TNFRSF14: variants seen among roughly 807,000 people sequenced by gnomAD.
TNFRSF14 encodes tumor necrosis factor receptor superfamily member 14.
In TNFRSF14, 18 loss-of-function variants were observed where a neutral mutation model predicts 34.1. That is an observed-to-expected ratio of 0.53 (90% CI 0.36 to 0.78). The LOEUF (loss-of-function observed/expected upper bound fraction) is 0.78. Ranked by LOEUF, TNFRSF14 falls within the 30% of genes least tolerant of loss-of-function variation. TNFRSF14 has a pLI of 0.00. For missense variants in TNFRSF14, 352 were observed against 379.5 expected, an observed-to-expected ratio of 0.93 and a Z score of 0.60; for synonymous variants, 157 against 153.2, an observed-to-expected ratio of 1.02 and a Z score of -0.18.
At position 2,558,412 on chromosome 1, in the gene TNFRSF14, A is replaced by G; in HGVS notation, c.248A>G (p.Tyr83Cys). The change falls in exon 3 of 8, where the codon TAC becomes TGC. Residue 83 changes from tyrosine to cysteine, a missense_variant. Tyr to Cys is a radical substitution (Grantham distance 194, BLOSUM62 -2). Coordinates refer to ENST00000355716, the MANE Select transcript of TNFRSF14 (RefSeq NM_003820.4). Reference sequence around the variant, plus strand: ...TGTGAACCCTGCCCTCCAGGCACCTACATTGCCCACCTCAATGGCCTAAGC... The same window carrying G: ...TGTGAACCCTGCCCTCCAGGCACCTGCATTGCCCACCTCAATGGCCTAAGC... ...TVCEPCPPGTYIAHLNGLSKC... is the reference protein window; with the variant it reads ...TVCEPCPPGTCIAHLNGLSKC... 2.5e-6 allele frequency: 4 copies of G among 1,613,428 alleles called. No individual in the cohort carries two copies. The highest frequency in any genetic ancestry group is 3.4e-6 in the Non-Finnish European group (4 of 1,179,832).
At position 2,559,976 on chromosome 1, in the gene TNFRSF14, G is replaced by A; in HGVS notation, c.458G>A (p.Gly153Glu). Residue 153 changes from glycine to glutamate, a missense_variant and splice_region_variant, in exon 4 of 8, where the codon GGA (glycine) becomes GAA (glutamate). Transcript: ENST00000355716. ...AGCCCGGGCCAGAGGGTGCAGAAGGGAGGTAAGCGGTGGGTGGCGGACACC... is the reference window on the plus strand; with the variant it reads ...AGCCCGGGCCAGAGGGTGCAGAAGGAAGGTAAGCGGTGGGTGGCGGACACC... ...TSSPGQRVQK[G>E]GTESQDTLCQ... is the part of the protein sequence containing the mutation. The A allele has an allele frequency of 6.4e-7, 1 of 1,555,092 alleles. No individual in the cohort carries two copies. Among genetic ancestry groups the A allele is most frequent in the Non-Finnish European group, 8.7e-7 (1 of 1,146,128 alleles).
intron 3 of TNFRSF14, chr1:2,558,887 G>T (rs1001686386): frequency 7.5e-7 from 1 of 1,340,484 alleles, no homozygotes; most frequent in Non-Finnish European, 9.8e-7. Flanking sequence ...CCAGATATTG[G>T]TTCCCCCTGT....
At chr1:2,558,610 C>T in intron 3 of TNFRSF14, 142 bp downstream of exon 3, 2 of 1,476,532 alleles carry the variant, frequency 1.4e-6, no homozygotes, top group East Asian at 2.3e-5. Context: ...TCCATGGATG[C>T]ACCCTGCAGG....
At chr1:2,556,207 A>C, upstream of TNFRSF14, 1 of 433,036 alleles carries the variant, frequency 2.3e-6, no homozygotes, top group Non-Finnish European at 4.4e-6. Flanking sequence ...TATTCGGCAA[A>C]AATGTCAGTC....
In TNFRSF14 at chr1:2,556,757, G is replaced by A. The variant is rs779874452; in HGVS notation, c.69+24G>A. 1.2e-5 allele frequency: 19 copies of A among 1,571,414 alleles called. No individual in the cohort carries two copies. The Admixed American group carries it at 1.5e-4, about 12-fold the overall frequency. On this transcript the variant is annotated intron_variant, in intron 1 of 7. Coordinates refer to ENST00000355716, the MANE Select transcript of TNFRSF14 (RefSeq NM_003820.4). ...TGGTGAGCCCCCGAGCCTCCTCTCC[G>A]TCTGCTCGCAGATCCCAGTTCTGAC...
chr1:2,557,745 T>G lies in TNFRSF14; in HGVS notation c.89T>G (p.Leu30Arg), dbSNP rs1476963529. Residue 30 changes from leucine to arginine, a missense_variant, in exon 2 of 8, where the codon CTG (leucine) becomes CGG (arginine). Leu to Arg is a moderately radical substitution (Grantham distance 102). Transcript: ENST00000355716. ...VLRLVLYLTFLGAPCYAPALP... is the reference protein window; with the variant it reads ...VLRLVLYLTFRGAPCYAPALP... ...CCTTAGGTGCTGTATCTCACCTTCC[T>G]GGGAGCCCCCTGCTACGCCCCAGCT... 1 of 1,609,766 alleles carries G rather than the reference T, an allele frequency of 6.2e-7. No homozygotes were observed. Among genetic ancestry groups the G allele is most frequent in the Non-Finnish European group, 8.5e-7 (1 of 1,178,084 alleles).
chr1:2,561,872 T>G lies in TNFRSF14; in HGVS notation c.694+57T>G. ...GTCCCCAGCCGTCACCTCTTGGAGC[T>G]CTGTCACCCCAAGCCTGGGAGGTGG... On this transcript the variant is annotated intron_variant, in intron 6 of 7. Transcript: ENST00000355716. This position sits in a 1 kb window ranked among gnomAD's most constrained non-coding sequence, Gnocchi z 6.0. 1.3e-6 allele frequency: 2 copies of G among 1,560,348 alleles called. No homozygotes were observed. Among genetic ancestry groups the G allele is most frequent in the Non-Finnish European group, 1.7e-6 (2 of 1,144,438 alleles).
chr1:2,559,632 C>A, intron 3 of TNFRSF14, 191 bp from the exon 4 acceptor site: 1 of 1,534,812 alleles, frequency 6.5e-7, no homozygotes, highest in Non-Finnish European at 8.7e-7. Context: ...GCAGCTCTGC[C>A]GTCCCTTGGT....
chr1:2,558,766 C>T (rs1570585536), intron 3 of TNFRSF14: 2 of 1,280,198 alleles, frequency 1.6e-6, no homozygotes, highest in East Asian at 5.8e-5. Flanking sequence ...GTGCCCAGAC[C>T]TCTCCTGTGC....
intron 3 of TNFRSF14, chr1:2,559,444 T>C (rs1287317075): frequency 1.4e-6 from 2 of 1,403,614 alleles, no homozygotes; most frequent in East Asian, 6.5e-5. Flanking sequence ...TTTGCACAGA[T>C]GGGAAACCCG....
At chr1:2,562,266 C>T (rs10910091) in intron 6 of TNFRSF14, 5,445 of 220,954 alleles carry the variant, frequency 0.025, 96 homozygotes, top group Non-Finnish European at 0.036. Flanking sequence ...TGTGCTGTGC[C>T]TGGCCTCCTG....
chr1:2,558,551 A>G, intron 3 of TNFRSF14, 83 bp downstream of exon 3: 1 of 1,585,156 alleles, frequency 6.3e-7, no homozygotes, highest in Non-Finnish European at 8.5e-7. Context: ...CCATGGCCAC[A>G]GTGCCCCAGG....
Position 2,561,794 on chromosome 1 carries a change from G to C in TNFRSF14, c.673G>C (p.Val225Leu). The C allele has an allele frequency of 6.2e-7, 1 of 1,613,808 alleles. No homozygotes were observed. Among genetic ancestry groups the C allele is most frequent in the Non-Finnish European group, 8.5e-7 (1 of 1,179,964 alleles). The change falls in exon 6 of 8, where the codon GTG becomes CTG. Residue 225 changes from valine to leucine, a missense_variant. Transcript: ENST00000355716. The surrounding 1 kb of genome is among the most constrained non-coding windows in gnomAD (Gnocchi z 6.0). Reference protein sequence around the residue: ...VCSTVGLIICVKRRKPRGDVV... With the variant: ...VCSTVGLIICLKRRKPRGDVV... ...CTCCACAGTTGGCCTAATCATATGT[G>C]TGAAAAGAAGAAAGCCAAGGGGTGA...
chr1:2,557,547 G>C (rs1400407008), intron 1 of TNFRSF14, among the ~76,000 whole-genome samples, 179 bp from the exon 2 acceptor site: 1 of 152,122 alleles, frequency 6.6e-6, no homozygotes, highest in African/African-American at 2.4e-5. Context: ...CCCTATCCCG[G>C]GCTCCAGCGG....
intron 3 of TNFRSF14, chr1:2,558,844 G>A (rs745317372): frequency 1.5e-6 from 2 of 1,323,972 alleles, no homozygotes; most frequent in Non-Finnish European, 2.0e-6. Context: ...CGGGCCTGCT[G>A]CTTCCCCACA....
chr1:2,555,244 G>A (rs1046809894), upstream of TNFRSF14: 1 of 152,386 alleles, frequency 6.6e-6, no homozygotes, highest in Non-Finnish European at 1.5e-5. This position sits in a 1 kb window ranked among gnomAD's most constrained non-coding sequence, Gnocchi z 6.3. Context: ...TCTGGAGCTC[G>A]GGACGCTTGG....
chr1:2,562,058 A>G, intron 6 of TNFRSF14: 1 of 582,662 alleles, frequency 1.7e-6, no homozygotes, highest in Non-Finnish European at 3.1e-6. Flanking sequence ...ACCCCTGCCC[A>G]CGCACTCTAT....
chr1:2,556,562 T>G lies in TNFRSF14; in HGVS notation c.-103T>G. ...CACCGAGGCGGATTCTCTTTCTCTT[T>G]CTCTTTCTCTTCTGGCCCACAGCCG... On this transcript the variant is annotated 5_prime_UTR_variant, in exon 1 of 8. Transcript: ENST00000355716. 8.5e-7 allele frequency: 1 copy of G among 1,177,652 alleles called. No individual in the cohort carries two copies. Among genetic ancestry groups the G allele is most frequent in the Non-Finnish European group, 1.2e-6 (1 of 805,976 alleles). 73.0% of individuals were successfully genotyped at this position (1,177,652 alleles called of 1,614,324 possible).
upstream of TNFRSF14, chr1:2,556,162 G>A (rs1644208232): frequency 2.5e-6 from 1 of 399,612 alleles, no homozygotes; most frequent in Non-Finnish European, 4.9e-6. Context: ...TTCAGCAGAA[G>A]CTGAGATGGG....
Sources: allele counts gnomAD v4.1 joint callset (sites outside exome capture counted in the v4.1 genomes callset), GRCh38; gene constraint gnomAD v4.1.1; non-coding constraint Gnocchi (gnomAD v3.1); transcripts MANE v1.5; gene names NCBI Gene and HGNC (gene_info 2026-07-23, HGNC 2026-07-21).